ENTREP2: variants seen among roughly 807,000 people sequenced by gnomAD.
ENTREP2 encodes the protein protein ENTREP2.
At chr15:29,624,156 T>C in the ENTREP2 span, among the ~76,000 whole-genome samples, 5 of 152,230 alleles carry the variant, frequency 3.3e-5, no homozygotes, top group Non-Finnish European at 7.3e-5. Context: ...TTTCGTGCAC[T>C]CTGTGTCTTC....
At chr15:29,462,704 C>T in the ENTREP2 span, among the ~76,000 whole-genome samples, 1 of 152,096 alleles carries the variant, frequency 6.6e-6, no homozygotes, top group Non-Finnish European at 1.5e-5. Context: ...CTGAGAATCA[C>T]TAGGAGTCCC....
chr15:29,640,348 T>C, the ENTREP2 span, among the ~76,000 whole-genome samples: 14 of 151,838 alleles, frequency 9.2e-5, no homozygotes, highest in Non-Finnish European at 1.5e-4. Flanking sequence ...AGAAAAGAGA[T>C]TGAATTAGTA....
At chr15:29,617,116 C>T in the ENTREP2 span, among the ~76,000 whole-genome samples, 1 of 152,056 alleles carries the variant, frequency 6.6e-6, no homozygotes, top group East Asian at 1.9e-4. Context: ...GGAACTGGCT[C>T]ATGTGATTAT....
the ENTREP2 span, among the ~76,000 whole-genome samples, chr15:29,502,942 GA>G: frequency 2.4e-3 from 359 of 150,016 alleles, 1 homozygote; most frequent in African/African-American, 8.0e-3. Context: ...AATAAAGGGG[GA>G]AAAAAAAACC....
At chr15:29,374,832 C>T in the ENTREP2 span, 1 of 152,078 alleles carries the variant, frequency 6.6e-6, no homozygotes, top group Admixed American at 6.5e-5. Flanking sequence ...TGTAAGTCCA[C>T]TAATCTTTTT....
the ENTREP2 span, among the ~76,000 whole-genome samples, chr15:29,631,098 T>A: frequency 6.6e-6 from 1 of 152,266 alleles, no homozygotes; most frequent in Non-Finnish European, 1.5e-5. Flanking sequence ...TTTTTAGTTC[T>A]ATGATTTTCA....
chr15:29,369,980 G>A, the ENTREP2 span, among the ~76,000 whole-genome samples: 1 of 152,188 alleles, frequency 6.6e-6, no homozygotes, highest in Non-Finnish European at 1.5e-5. Context: ...AGAAGCAGGA[G>A]ATGCGATTGT....
the ENTREP2 span, among the ~76,000 whole-genome samples, chr15:29,347,491 A>G: frequency 6.6e-6 from 1 of 151,914 alleles, no homozygotes; most frequent in African/African-American, 2.4e-5. Context: ...TAATTTTTAA[A>G]TTTTTCATCT....
chr15:29,158,998 T>G, the ENTREP2 span, among the ~76,000 whole-genome samples: 1 of 152,180 alleles, frequency 6.6e-6, no homozygotes, highest in Non-Finnish European at 1.5e-5. Context: ...TACATACATA[T>G]AGCCTACACG....
At chr15:29,225,073 A>G in the ENTREP2 span, among the ~76,000 whole-genome samples, 1 of 152,290 alleles carries the variant, frequency 6.6e-6, no homozygotes, top group East Asian at 1.9e-4. Flanking sequence ...GCCCACCCAG[A>G]ACTCACGCTG....
At chr15:29,186,910 T>C in the ENTREP2 span, among the ~76,000 whole-genome samples, 1 of 152,186 alleles carries the variant, frequency 6.6e-6, no homozygotes, top group East Asian at 1.9e-4. Context: ...TTGTGTAGGT[T>C]TTCTGTCATT....
At chr15:29,415,130 GAATCCCCCCTA>G in the ENTREP2 span, among the ~76,000 whole-genome samples, 177 of 151,228 alleles carry the variant, frequency 1.2e-3, 3 homozygotes, top group African/African-American at 4.1e-3. Context: ...GAAAAACAGT[GAATCCCCCCTA>G]ACTCATTTTA....
the ENTREP2 span, among the ~76,000 whole-genome samples, chr15:29,245,488 C>T: frequency 2.0e-5 from 3 of 147,116 alleles, no homozygotes; most frequent in South Asian, 4.2e-4. Flanking sequence ...AATGTGAGTA[C>T]AGAAAATACC....
the ENTREP2 span, among the ~76,000 whole-genome samples, chr15:29,202,539 T>C: frequency 5.1e-4 from 78 of 152,168 alleles, no homozygotes; most frequent in Non-Finnish European, 9.7e-4. Flanking sequence ...TACATAGGTA[T>C]ATATGTGCCA....
chr15:29,274,805 A>G, the ENTREP2 span, among the ~76,000 whole-genome samples: 1 of 152,230 alleles, frequency 6.6e-6, no homozygotes, highest in Non-Finnish European at 1.5e-5. Flanking sequence ...TTTAAGTTTT[A>G]CAGGACACAG....
chr15:29,305,199 A>T, the ENTREP2 span, among the ~76,000 whole-genome samples: 3 of 152,252 alleles, frequency 2.0e-5, no homozygotes, highest in Non-Finnish European at 4.4e-5. Flanking sequence ...ATGCAAAGAT[A>T]AATTTTTCAT....
the ENTREP2 span, among the ~76,000 whole-genome samples, chr15:29,138,108 C>T: frequency 1.3e-5 from 2 of 151,980 alleles, no homozygotes; most frequent in Admixed American, 1.3e-4. Context: ...CCTTTGGACA[C>T]GTAGTATCTA....
the ENTREP2 span, chr15:29,268,761 TTGTCCCGGGGGTCCCTCTG>T: frequency 6.4e-7 from 1 of 1,571,184 alleles, no homozygotes; most frequent in East Asian, 2.2e-5. Context: ...TCTCAGACCC[TTGTCCCGGGGGTCCCTCTG>T]AATCCACCTT....
the ENTREP2 span, among the ~76,000 whole-genome samples, chr15:29,335,365 G>A: frequency 2.5e-3 from 387 of 152,292 alleles, 2 homozygotes; most frequent in Admixed American, 4.4e-3. Flanking sequence ...CACTATCTTT[G>A]CCAAACCACA....
Sources: allele counts gnomAD v4.1 joint callset (sites outside exome capture counted in the v4.1 genomes callset), GRCh38; gene constraint gnomAD v4.1.1; transcripts MANE v1.5; gene names NCBI Gene and HGNC (gene_info 2026-07-23, HGNC 2026-07-21).